The following FBXO6 variants were observed in gnomAD, a reference collection of about 807,000 sequenced individuals.
FBXO6 encodes the protein F-box only protein 6.
A neutral mutation model predicts 25.0 loss-of-function variants in FBXO6; 13 were observed. The observed-to-expected ratio is 0.52, with a 90% confidence interval of 0.34 to 0.83. The LOEUF is 0.83. Among genes scored for constraint, FBXO6 ranks in the 40% least tolerant of loss-of-function variants. FBXO6 has a pLI of 0.02. For synonymous variants in FBXO6, 138 were observed against 155.3 expected, an observed-to-expected ratio of 0.89 and a Z score of 0.83; for missense variants, 370 against 380.2, an observed-to-expected ratio of 0.97 and a Z score of 0.22.
rs1176739100 is a variant in FBXO6, at chr1:11,673,502, C to T, written c.645+90C>T. ...GGGCAGCCTCAGGGCCCAGGGTGCC[C>T]CTGCTGGCCTGGAGCTGTTGCCTTC... On this transcript the variant is annotated intron_variant, in intron 5 of 5. Transcript: ENST00000376753. The surrounding 1 kb of genome is among the most constrained non-coding windows in gnomAD (Gnocchi z 4.3). The T allele has an allele frequency of 6.3e-7, 1 of 1,579,248 alleles. No individual in the cohort carries two copies. Among genetic ancestry groups the T allele is most frequent in the Non-Finnish European group, 8.6e-7 (1 of 1,159,328 alleles).
At chr1:11,670,374 G>T (rs187227885) in intron 2 of FBXO6, among the ~76,000 whole-genome samples, 1 of 151,976 alleles carries the variant, frequency 6.6e-6, no homozygotes, top group Non-Finnish European at 1.5e-5. Context: ...TTACCACAGC[G>T]CCCAGCCCAA....
intron 2 of FBXO6, among the ~76,000 whole-genome samples, chr1:11,670,774 G>A (rs1233256872): frequency 3.9e-5 from 6 of 152,160 alleles, no homozygotes; most frequent in African/African-American, 1.2e-4. Context: ...AGTCTTTGAG[G>A]ACAGTACTCT....
Position 11,671,366 on chromosome 1 carries a change from C to G in FBXO6, c.387C>G (p.Val129=). The G allele has an allele frequency of 6.2e-7, 1 of 1,614,060 alleles. No individual in the cohort carries two copies. The highest frequency in any genetic ancestry group is 8.5e-7 in the Non-Finnish European group (1 of 1,179,962). Reference sequence around the variant, plus strand: ...GGACAGATTTTCCTGACCCCAAAGTCAAGAAGTATTTTGTCACATCCTACG... The same window carrying G: ...GGACAGATTTTCCTGACCCCAAAGTGAAGAAGTATTTTGTCACATCCTACG... ...AHGTDFPDPK[V]KKYFVTSYEM... is the part of the protein sequence containing the mutation. Residue 129 remains valine (V), a synonymous_variant, in exon 3 of 6, where the codon GTC becomes GTG. Transcript: ENST00000376753.
chr1:11,665,046 T>TTG (rs558128116), intron 1 of FBXO6, among the ~76,000 whole-genome samples: 601 of 54,338 alleles, frequency 0.011, 3 homozygotes, highest in Middle Eastern at 0.038. Context: ...TGCCAGCATT[T>TTG]ATTTATTTAT....
chr1:11,667,160 G>GA (rs796602620), intron 1 of FBXO6, among the ~76,000 whole-genome samples: 3,100 of 142,552 alleles, frequency 0.022, 103 homozygotes, highest in African/African-American at 0.073. Flanking sequence ...TGGGGGGGAA[G>GA]AAAAAAAAAA....
At chr1:11,667,750 C>A (rs1444325073) in intron 1 of FBXO6, among the ~76,000 whole-genome samples, 1 of 152,158 alleles carries the variant, frequency 6.6e-6, no homozygotes, top group Non-Finnish European at 1.5e-5. Flanking sequence ...GGTTTCTCAG[C>A]GCTAGCTCAC....
At position 11,673,130 on chromosome 1, in the gene FBXO6, C is replaced by T. The variant is rs1640672170; in HGVS notation, c.510-147C>T. 1.1e-5 allele frequency: 11 copies of T among 957,304 alleles called. No individual in the cohort carries two copies. The highest frequency in any genetic ancestry group is 3.6e-5 in the South Asian group (2 of 55,618). 59.3% of individuals were successfully genotyped at this position (957,304 alleles called of 1,614,324 possible). ...CCGGGCCACAGTGGGGCATAGGGAG[C>T]GCTGAAGCCAGCTGGGCCTTGCAGG... On this transcript the variant is annotated intron_variant, in intron 4 of 5. Coordinates refer to ENST00000376753, the MANE Select transcript of FBXO6 (RefSeq NM_018438.6). This position sits in a 1 kb window ranked among gnomAD's most constrained non-coding sequence, Gnocchi z 4.3.
Position 11,673,741 on chromosome 1 carries a change from A to G in FBXO6, c.772A>G (p.Ser258Gly), listed in dbSNP as rs937645493. The G allele has an allele frequency of 1.2e-6, 2 of 1,614,108 alleles. No individual in the cohort carries two copies. The highest frequency in any genetic ancestry group is 8.5e-7 in the Non-Finnish European group (1 of 1,180,022). Residue 258 changes from serine to glycine, a missense_variant, in exon 6 of 6, where the codon AGC becomes GGC. Coordinates refer to ENST00000376753, the MANE Select transcript of FBXO6 (RefSeq NM_018438.6). This position sits in a 1 kb window ranked among gnomAD's most constrained non-coding sequence, Gnocchi z 4.3. Reference protein sequence around the residue: ...PRVTNSSIVVSPKMTRNQASS... With the variant: ...PRVTNSSIVVGPKMTRNQASS... Reference sequence around the variant, plus strand: ...AGTCACCAACAGCAGCATTGTCGTCAGCCCCAAGATGACCAGGAACCAGGC... The same window carrying G: ...AGTCACCAACAGCAGCATTGTCGTCGGCCCCAAGATGACCAGGAACCAGGC...
In FBXO6 at chr1:11,673,824, C is replaced by G. The variant is rs1037989817; in HGVS notation, c.855C>G (p.Pro285=). Residue 285 remains proline, a synonymous_variant, in exon 6 of 6, where the codon CCC becomes CCG. Transcript: ENST00000376753. This position sits in a 1 kb window ranked among gnomAD's most constrained non-coding sequence, Gnocchi z 4.3. Reference sequence around the variant, plus strand: ...GACAGGAGGAGGCTGCCCAATCGCCCTACCGAGCTGTTGTCCAGATTTTCT... The same window carrying G: ...GACAGGAGGAGGCTGCCCAATCGCCGTACCGAGCTGTTGTCCAGATTTTCT... ...KHGQEEAAQS[P]YRAVVQIF 1 of 1,613,988 alleles carries G rather than the reference C, an allele frequency of 6.2e-7. No individual in the cohort carries two copies. Among genetic ancestry groups the G allele is most frequent in the Non-Finnish European group, 8.5e-7 (1 of 1,180,032 alleles).
At position 11,666,250 on chromosome 1, in the gene FBXO6, A is replaced by C. The variant is rs146046126; in HGVS notation, c.-4+1995A>C. 3.4e-3 allele frequency among the ~76,000 whole-genome samples: 520 copies of C among 151,948 alleles called. 4 individuals carry two copies. Among genetic ancestry groups the C allele is most frequent in the African/African-American group, 0.011 (462 of 41,374 alleles). ...ACTGCAGCCTTGACCTCCTGGGCTC[A>C]GAAGATCCTGACGCCATAACCTCCC... On this transcript the variant is annotated intron_variant, in intron 1 of 5. Transcript: ENST00000376753.
Position 11,668,923 on chromosome 1 carries a change from C to T in FBXO6, c.265C>T (p.Leu89=). The change falls in exon 2 of 6, where the codon CTG becomes TTG. Residue 89 remains leucine (L), a synonymous_variant. Coordinates refer to ENST00000376753, the MANE Select transcript of FBXO6 (RefSeq NM_018438.6). ...CCTACGGAGCCTGCATAGGAACCTCCTGCGCAACCCGTGTGCTGAAGGTGG... is the reference window on the plus strand; with the variant it reads ...CCTACGGAGCCTGCATAGGAACCTCTTGCGCAACCCGTGTGCTGAAGGTGG... ...YFLRSLHRNL[L]RNPCAEEDMF... 17 of 1,613,976 alleles carry T rather than the reference C, an allele frequency of 1.1e-5. No homozygotes were observed. Among genetic ancestry groups the T allele is most frequent in the Non-Finnish European group, 1.4e-5 (16 of 1,179,890 alleles).
In FBXO6 at chr1:11,670,638, A is replaced by G. The variant is rs1460980637; in HGVS notation, c.287-628A>G. ...AATTATTTTACTTATTAAAAAAAAA[A>G]GGGGGGGGGGGTGTCGCTATGTTCC... On this transcript the variant is annotated intron_variant, in intron 2 of 5. Transcript: ENST00000376753. Among the ~76,000 whole-genome samples the G allele has an allele frequency of 1.5e-3, 196 of 134,942 alleles. 1 individual carries two copies. Among genetic ancestry groups the G allele is most frequent in the East Asian group, 6.5e-3 (28 of 4,304 alleles). The allele number at this position is 134,942 out of a possible 152,430, so 88.5% of individuals were successfully genotyped here.
At chr1:11,668,576 G>T in intron 1 of FBXO6, 80 bp from the exon 2 acceptor site, 4 of 1,537,904 alleles carry the variant, frequency 2.6e-6, no homozygotes, top group Non-Finnish European at 3.5e-6. Flanking sequence ...CAGGGTTGGA[G>T]AGGAGTCCCT....
chr1:11,673,286 C>A lies in FBXO6; in HGVS notation c.519C>A (p.Ala173=). ...PDIVVKDWFA[A]RADCGCTYQL... is the part of the protein sequence containing the mutation. ...TCAACCCCTCCACCAGGTTTGCTGC[C>A]AGAGCCGACTGTGGCTGCACCTACC... The change falls in exon 5 of 6, where the codon GCC becomes GCA. Residue 173 remains alanine, a synonymous_variant. Transcript: ENST00000376753. The surrounding 1 kb of genome is among the most constrained non-coding windows in gnomAD (Gnocchi z 4.3). 1 of 1,612,942 alleles carries A rather than the reference C, an allele frequency of 6.2e-7. No homozygotes were observed. Among genetic ancestry groups the A allele is most frequent in the Non-Finnish European group, 8.5e-7 (1 of 1,179,490 alleles).
chr1:11,670,948 G>A (rs1478646959), intron 2 of FBXO6, among the ~76,000 whole-genome samples: 1 of 152,174 alleles, frequency 6.6e-6, no homozygotes, highest in Non-Finnish European at 1.5e-5. Context: ...GAGTGGGAGG[G>A]ACAGAGTCAG....
Position 11,673,603 on chromosome 1 carries a change from T to G in FBXO6, c.646-12T>G. 6.2e-7 allele frequency: 1 copy of G among 1,608,556 alleles called. No individual in the cohort carries two copies. The highest frequency in any genetic ancestry group is 8.5e-7 in the Non-Finnish European group (1 of 1,176,134). On this transcript the variant is annotated splice_polypyrimidine_tract_variant and intron_variant, in intron 5 of 5. Transcript: ENST00000376753. This position sits in a 1 kb window ranked among gnomAD's most constrained non-coding sequence, Gnocchi z 4.3. ...GTCCCGGTGGTCACTTCCTCTCCCT[T>G]CCTCCCAACAGGTCTCCTACACCTT...
chr1:11,671,860 G>T, intron 3 of FBXO6, 68 bp from the exon 4 acceptor site: 1 of 1,403,308 alleles, frequency 7.1e-7, no homozygotes, highest in East Asian at 2.3e-5. Context: ...GGGCTGCCAA[G>T]GCCTGGGTGA....
chr1:11,665,283 G>A (rs567194742), intron 1 of FBXO6, among the ~76,000 whole-genome samples: 60 of 135,664 alleles, frequency 4.4e-4, no homozygotes, highest in Non-Finnish European at 7.9e-4. Flanking sequence ...GGAGTGCAGT[G>A]GCGCGATCTC....
At chr1:11,669,050 A>C in intron 2 of FBXO6, 106 bp downstream of exon 2, 4 of 1,365,526 alleles carry the variant, frequency 2.9e-6, no homozygotes, top group East Asian at 2.5e-5. Context: ...CTAACCCTAA[A>C]CACCCACCTC....
Sources: allele counts gnomAD v4.1 joint callset (sites outside exome capture counted in the v4.1 genomes callset), GRCh38; gene constraint gnomAD v4.1.1; non-coding constraint Gnocchi (gnomAD v3.1); transcripts MANE v1.5; gene names NCBI Gene and HGNC (gene_info 2026-07-23, HGNC 2026-07-21).